FGD5: variants seen among roughly 807,000 people sequenced by gnomAD.
The protein encoded by FGD5 is FYVE, RhoGEF and PH domain containing 5.
In FGD5, 28 loss-of-function variants were observed where a neutral mutation model predicts 133.4. The ratio of observed to expected loss-of-function variants is 0.21; its 90% CI spans 0.16 to 0.29. FGD5 has a LOEUF of 0.29. FGD5 is among the 10% of genes least tolerant of loss of function. The pLI is 1.00. For synonymous variants in FGD5, 810 were observed against 776.5 expected (o/e 1.04, Z -0.72); for missense variants, 1,858 against 1,895.2 (o/e 0.98, Z 0.36).
At chr3:14,878,725 CTTT>C (rs571884717) in intron 2 of FGD5, among the ~76,000 whole-genome samples, 14 of 133,602 alleles carry the variant, frequency 1.0e-4, no homozygotes, top group African/African-American at 1.7e-4. Flanking sequence ...AAAGCCCATG[CTTT>C]TTTTTTTTTT....
chr3:14,918,595 C>T (rs1448103986), intron 12 of FGD5, among the ~76,000 whole-genome samples, 159 bp from the exon 13 acceptor site: 1 of 152,208 alleles, frequency 6.6e-6, no homozygotes, highest in African/African-American at 2.4e-5. Flanking sequence ...GGCAGCCAGG[C>T]ACCTTCCACA....
At chr3:14,836,277 G>T (rs987865367) in intron 1 of FGD5, among the ~76,000 whole-genome samples, 5 of 152,244 alleles carry the variant, frequency 3.3e-5, no homozygotes, top group African/African-American at 1.2e-4. Context: ...GAAGCTCCTT[G>T]TAGATGCTGC....
chr3:14,813,326 C>T (rs2036322523), intron 1 of FGD5, among the ~76,000 whole-genome samples: 4 of 152,112 alleles, frequency 2.6e-5, no homozygotes, highest in Admixed American at 1.3e-4. Context: ...GCATGCTCTT[C>T]CCACACTGTC....
In FGD5 at chr3:14,821,211, C is replaced by T. The variant is rs551941370; in HGVS notation, c.2140C>T (p.Arg714Trp). 2.6e-4 allele frequency: 414 copies of T among 1,613,910 alleles called. 5 individuals carry two copies. In the South Asian group the frequency reaches 3.8e-3, roughly 15 times the overall value. The change falls in exon 1 of 20, where the codon CGG (arginine) becomes TGG (tryptophan). Residue 714 changes from arginine (R) to tryptophan (W), a missense_variant. Coordinates refer to ENST00000285046, the MANE Select transcript of FGD5 (RefSeq NM_152536.4). ...GCTTAAGTCTCGGACTGGGAAGCTC[C>T]GGGCTTCTGAATCCCCCTCCTCCCT... ...PQLKSRTGKL[R>W]ASESPSSLIF...
At chr3:14,876,197 C>T (rs1034456571) in intron 2 of FGD5, among the ~76,000 whole-genome samples, 4 of 152,154 alleles carry the variant, frequency 2.6e-5, no homozygotes, top group Non-Finnish European at 5.9e-5. Flanking sequence ...GCCTGGGGTT[C>T]CCTGGCCTCT....
At chr3:14,925,924 T>C (rs1441652841) in intron 17 of FGD5, 146 bp from the exon 18 acceptor site, 6 of 1,050,952 alleles carry the variant, frequency 5.7e-6, no homozygotes, top group Non-Finnish European at 8.1e-6. Context: ...CTGACTTTGG[T>C]ACTGGATAGA....
intron 11 of FGD5, among the ~76,000 whole-genome samples, chr3:14,915,959 C>T (rs1438862850): frequency 2.0e-5 from 3 of 152,230 alleles, no homozygotes; most frequent in Admixed American, 6.5e-5. Flanking sequence ...GTACAGGGCT[C>T]ACCCTGGTTC....
intron 1 of FGD5, among the ~76,000 whole-genome samples, chr3:14,852,415 G>A (rs982720543): frequency 2.0e-5 from 3 of 152,198 alleles, no homozygotes; most frequent in Non-Finnish European, 4.4e-5. Context: ...GTAGACTAGC[G>A]GTTGCCAGGG....
upstream of FGD5, among the ~76,000 whole-genome samples, chr3:14,816,371 A>C (rs558163747): frequency 5.3e-5 from 8 of 152,254 alleles, no homozygotes; most frequent in African/African-American, 1.9e-4. Context: ...GTAGAGCAAG[A>C]CTTCAACCAA....
chr3:14,837,291 G>T (rs2036834288), intron 1 of FGD5, among the ~76,000 whole-genome samples: 2 of 152,220 alleles, frequency 1.3e-5, no homozygotes, highest in Non-Finnish European at 2.9e-5. Flanking sequence ...GAAGGTGTGA[G>T]TGTAACAAGG....
At position 14,885,141 on chromosome 3, in the gene FGD5, C is replaced by T. The variant is rs529959538; in HGVS notation, c.2748+4369C>T. ...GACTCTTATCTTTTATTCCCACGTT[C>T]GCCCCCTTTGTTCAGTTCCTCTAGG... On this transcript the variant is annotated intron_variant, in intron 4 of 19. Transcript: ENST00000285046. Among the ~76,000 whole-genome samples the T allele has an allele frequency of 9.2e-5, 14 of 151,656 alleles. No homozygotes were observed. In the South Asian group the frequency reaches 1.7e-3, roughly 18 times the overall value.
intron 1 of FGD5, among the ~76,000 whole-genome samples, chr3:14,841,769 C>G (rs2036926275): frequency 6.6e-6 from 1 of 152,068 alleles, no homozygotes; most frequent in African/African-American, 2.4e-5. Context: ...GTTCCTGCCC[C>G]CAGAACACAC....
intron 1 of FGD5, among the ~76,000 whole-genome samples, chr3:14,832,097 G>C (rs1175303892): frequency 6.6e-6 from 1 of 152,136 alleles, no homozygotes; most frequent in African/African-American, 2.4e-5. Context: ...CCTCTGATCT[G>C]AGCCCCGGTT....
chr3:14,858,073 T>G (rs2037320181), intron 1 of FGD5, among the ~76,000 whole-genome samples: 1 of 152,198 alleles, frequency 6.6e-6, no homozygotes. Flanking sequence ...CAGAGTACAG[T>G]GCAAAGTGCT....
chr3:14,872,611 TAAGC>T (rs1313001939), intron 2 of FGD5, among the ~76,000 whole-genome samples: 1 of 152,224 alleles, frequency 6.6e-6, no homozygotes, highest in Non-Finnish European at 1.5e-5. Context: ...GCACGTGTGA[TAAGC>T]AAGCGTGCAT....
chr3:14,924,578 T>A (rs918832661), intron 17 of FGD5, among the ~76,000 whole-genome samples: 1 of 152,130 alleles, frequency 6.6e-6, no homozygotes, highest in Non-Finnish European at 1.5e-5. Context: ...CTCAATTGTA[T>A]CCCACAAATA....
At chr3:14,885,534 C>T (rs576711028) in intron 4 of FGD5, among the ~76,000 whole-genome samples, 64 of 152,338 alleles carry the variant, frequency 4.2e-4, no homozygotes, top group Middle Eastern at 3.4e-3. Context: ...GGGCCTTCGG[C>T]TCCCTACATC....
chr3:14,833,695 G>A (rs945952711), intron 1 of FGD5, among the ~76,000 whole-genome samples: 1 of 152,264 alleles, frequency 6.6e-6, no homozygotes, highest in East Asian at 1.9e-4. Context: ...GGAGAGGCCC[G>A]AGGTGACCAG....
intron 4 of FGD5, among the ~76,000 whole-genome samples, chr3:14,890,856 A>G (rs758736891): frequency 6.6e-6 from 1 of 152,184 alleles, no homozygotes; most frequent in Non-Finnish European, 1.5e-5. Flanking sequence ...GCACTGTACA[A>G]TTGACAAAGC....
Sources: allele counts gnomAD v4.1 joint callset (sites outside exome capture counted in the v4.1 genomes callset), GRCh38; gene constraint gnomAD v4.1.1; transcripts MANE v1.5; gene names NCBI Gene and HGNC (gene_info 2026-07-23, HGNC 2026-07-21).